SMPX: variants seen among roughly 807,000 people sequenced by gnomAD.
SMPX encodes the protein small muscle protein X-linked.
A neutral mutation model predicts 6.3 loss-of-function variants in SMPX; 2 were observed. The ratio of observed to expected loss-of-function variants is 0.32; its 90% CI spans 0.13 to 0.99. The LOEUF is 0.99. Among genes scored for constraint, SMPX ranks in the 50% least tolerant of loss-of-function variants. SMPX has a pLI of 0.49. For missense variants in SMPX, 60 were observed against 66.8 expected (o/e 0.90, Z 0.36); for synonymous variants, 32 against 24.7 (o/e 1.30, Z -0.88).
chrX:21,748,251 C>T (rs2092823600), intron 2 of SMPX, among the ~76,000 whole-genome samples: 1 of 112,058 alleles, frequency 8.9e-6, no homozygotes, highest in Non-Finnish European at 1.9e-5. Context: ...ACACGGAAAA[C>T]TTTCCCACAC....
At chrX:21,749,944 A>G (rs1178188682) in intron 2 of SMPX, among the ~76,000 whole-genome samples, 3 of 111,804 alleles carry the variant, frequency 2.7e-5, no homozygotes, top group East Asian at 2.8e-4. Context: ...AAGTTCTCAG[A>G]TCTCATGGGA....
chrX:21,736,968 G>C (rs2092811147), intron 4 of SMPX, among the ~76,000 whole-genome samples: 1 of 111,344 alleles, frequency 9.0e-6, no homozygotes, highest in African/African-American at 3.3e-5. Context: ...CACAAGCCCT[G>C]CTTGCAGTGC....
chrX:21,715,262 CTGTGTGTGTGTGTGTGTGTGTGTGTG>C (rs34947234), intron 4 of SMPX, among the ~76,000 whole-genome samples: 1 of 94,606 alleles, frequency 1.1e-5, no homozygotes, highest in Non-Finnish European at 2.1e-5. Context: ...TCACTCTGCT[CTGTGTGTGTGTGTGTGTGTGTGTGTG>C]TGTGTGTGTG....
intron 4 of SMPX, chrX:21,727,203 TGAA>T (rs1325784277): frequency 3.5e-5 from 4 of 112,808 alleles, no homozygotes; most frequent in Admixed American, 1.9e-4. Flanking sequence ...ACTTGCATTA[TGAA>T]GAAGAAGGTT....
intron 4 of SMPX, among the ~76,000 whole-genome samples, chrX:21,727,955 C>T (rs1334942584): frequency 8.9e-6 from 1 of 112,116 alleles, no homozygotes; most frequent in Non-Finnish European, 1.9e-5. Flanking sequence ...CAGTTTTCTG[C>T]GTGGGCTGCA....
chrX:21,706,001 T>G lies in SMPX; in HGVS notation c.*408A>C. 2 of 471,241 alleles carry G rather than the reference T, an allele frequency of 4.2e-6. No individual in the cohort carries two copies. The highest frequency in any genetic ancestry group is 7.5e-6 in the Non-Finnish European group (2 of 268,124). 38.8% of individuals were successfully genotyped at this position (471,241 alleles called of 1,213,427 possible). ...CATTTTACATTTAGTCAAATATTTA[T>G]TTGAACTCATACAAAGTTTAGTGAC... is the stretch of plus-strand genomic sequence containing the variant. On this transcript the variant is annotated 3_prime_UTR_variant, in exon 5 of 5. Coordinates refer to ENST00000379494, the MANE Select transcript of SMPX (RefSeq NM_014332.3).
chrX:21,706,236 G>A lies in SMPX; in HGVS notation c.*173C>T, dbSNP rs1307275837. 5 of 505,377 alleles carry A rather than the reference G, an allele frequency of 9.9e-6. No individual in the cohort carries two copies. The highest frequency in any genetic ancestry group is 1.8e-5 in the Non-Finnish European group (5 of 282,636). 41.6% of individuals were successfully genotyped at this position (505,377 alleles called of 1,213,427 possible). ...GGTGCCAAAAATGAAGATAAAGTAA[G>A]AAATACAGCCAACTAGAAGGAAGAG... is the stretch of plus-strand genomic sequence containing the variant. On this transcript the variant is annotated 3_prime_UTR_variant, in exon 5 of 5. Coordinates refer to ENST00000379494, the MANE Select transcript of SMPX (RefSeq NM_014332.3).
intron 4 of SMPX, among the ~76,000 whole-genome samples, chrX:21,715,303 T>TGTGCGC (rs1175730294): frequency 1.9e-3 from 162 of 86,045 alleles, no homozygotes; most frequent in African/African-American, 7.5e-3. Context: ...TGTGTGTGTG[T>TGTGCGC]GCGCGCACGC....
chrX:21,755,528 T>C (rs1000877541), intron 1 of SMPX, among the ~76,000 whole-genome samples: 3 of 112,595 alleles, frequency 2.7e-5, no homozygotes, highest in African/African-American at 9.7e-5. Context: ...TTTACTACCA[T>C]CGTCCATAGC....
At chrX:21,738,590 G>A (rs2092813040) in intron 3 of SMPX, among the ~76,000 whole-genome samples, 1 of 110,892 alleles carries the variant, frequency 9.0e-6, no homozygotes, top group African/African-American at 3.3e-5. Context: ...TTTGATCACC[G>A]TGGCAGCCTT....
chrX:21,758,065 C>A lies in SMPX; in HGVS notation c.-136G>T, dbSNP rs953545662. On this transcript the variant is annotated 5_prime_UTR_variant, in exon 1 of 5. Transcript: ENST00000379494. Reference sequence around the variant, plus strand: ...CTGAGCTGCGATCTCAATTCCGATGCTTTTCATGTGGCTGAAATAGCTCTG... The same window carrying A: ...CTGAGCTGCGATCTCAATTCCGATGATTTTCATGTGGCTGAAATAGCTCTG... 3.1e-6 allele frequency: 1 copy of A among 327,860 alleles called. No individual in the cohort carries two copies. Among genetic ancestry groups the A allele is most frequent in the Non-Finnish European group, 5.9e-6 (1 of 169,831 alleles). 27.0% of individuals were successfully genotyped at this position (327,860 alleles called of 1,213,427 possible). A position where few individuals can be genotyped will look rare whatever the true frequency, so the allele number is the denominator to read the frequency against.
intron 2 of SMPX, among the ~76,000 whole-genome samples, chrX:21,744,975 G>A (rs916426030): frequency 3.6e-5 from 4 of 111,782 alleles, no homozygotes; most frequent in African/African-American, 1.3e-4. Flanking sequence ...GAAACAGGAA[G>A]CATCCAGTGT....
At chrX:21,725,775 T>C (rs1049849530) in intron 4 of SMPX, among the ~76,000 whole-genome samples, 1 of 112,232 alleles carries the variant, frequency 8.9e-6, no homozygotes, top group Non-Finnish European at 1.9e-5. Flanking sequence ...TCCCAGATGT[T>C]TGCAAGTGCT....
At chrX:21,708,114 G>A (rs185024535) in intron 4 of SMPX, among the ~76,000 whole-genome samples, 2 of 112,447 alleles carry the variant, frequency 1.8e-5, no homozygotes, top group African/African-American at 3.2e-5. Context: ...TTTTACTTAT[G>A]TGAGTGAGCT....
Position 21,758,088 on chromosome X carries a change from C to A in SMPX, c.-159G>T. 1 of 329,523 alleles carries A rather than the reference C, an allele frequency of 3.0e-6. No individual in the cohort carries two copies. 27.2% of individuals were successfully genotyped at this position (329,523 alleles called of 1,213,427 possible). ...TGCTTTTCATGTGGCTGAAATAGCTCTGTGCCTCTCCCGGTATTGAGAACT... is the reference window on the plus strand; with the variant it reads ...TGCTTTTCATGTGGCTGAAATAGCTATGTGCCTCTCCCGGTATTGAGAACT... On this transcript the variant is annotated 5_prime_UTR_variant, in exon 1 of 5. Transcript: ENST00000379494.
chrX:21,757,460 A>G (rs966673325), intron 1 of SMPX, among the ~76,000 whole-genome samples: 3 of 112,099 alleles, frequency 2.7e-5, no homozygotes, highest in Non-Finnish European at 5.6e-5. Flanking sequence ...GAACGTTATC[A>G]TTGAGACCAA....
At chrX:21,718,196 C>A (rs1362764663) in intron 4 of SMPX, among the ~76,000 whole-genome samples, 2 of 112,690 alleles carry the variant, frequency 1.8e-5, no homozygotes, top group East Asian at 5.6e-4. Flanking sequence ...GTCACTTTGA[C>A]AGCTGTGGGC....
chrX:21,754,905 T>G (rs753057330), intron 1 of SMPX, among the ~76,000 whole-genome samples: 1 of 112,565 alleles, frequency 8.9e-6, no homozygotes, highest in South Asian at 3.7e-4. Context: ...CCAATGCTTT[T>G]GATAAGTTGC....
At chrX:21,755,023 C>G (rs1254462531) in intron 1 of SMPX, among the ~76,000 whole-genome samples, 1 of 112,392 alleles carries the variant, frequency 8.9e-6, no homozygotes, top group Admixed American at 9.4e-5. Context: ...AACAAATCCT[C>G]GAGATGTAGA....
Sources: allele counts gnomAD v4.1 joint callset (sites outside exome capture counted in the v4.1 genomes callset), GRCh38; gene constraint gnomAD v4.1.1; transcripts MANE v1.5; gene names NCBI Gene and HGNC (gene_info 2026-07-23, HGNC 2026-07-21).